The following TREM1 variants were observed in gnomAD, a reference collection of about 807,000 sequenced individuals.
TREM1 encodes the protein triggering receptor expressed on monocytes 1.
In TREM1, 16 loss-of-function variants were observed where a neutral mutation model predicts 22.4. The ratio of observed to expected loss-of-function variants is 0.71; its 90% CI spans 0.48 to 1.08. TREM1 has a LOEUF of 1.08. Among genes scored for constraint, TREM1 ranks in the 50% least tolerant of loss-of-function variants. TREM1 has a pLI of 0.00. For synonymous variants in TREM1, 110 were observed against 111.6 expected (o/e 0.99, Z 0.09); for missense variants, 283 against 282.9 (o/e 1.00, Z 0.00).
chr6:41,267,448 CA>C (rs1229479684), downstream of TREM1, among the ~76,000 whole-genome samples: 3 of 151,934 alleles, frequency 2.0e-5, no homozygotes, highest in Non-Finnish European at 4.4e-5. Context: ...GTGTAAAAAA[CA>C]AAAGCACACA....
intron 2 of TREM1, 50 bp downstream of exon 2, chr6:41,282,344 GC>G: frequency 7.0e-7 from 1 of 1,418,546 alleles, no homozygotes; most frequent in Non-Finnish European, 9.8e-7. Flanking sequence ...TACCACCACT[GC>G]CCCTTTCCTC....
downstream of TREM1, among the ~76,000 whole-genome samples, chr6:41,272,979 C>T: frequency 6.6e-6 from 1 of 152,140 alleles, no homozygotes. Context: ...AGTTCTGCTT[C>T]CCCTTCTATT....
At chr6:41,267,883 A>G (rs1767372442), downstream of TREM1, 1 of 398,520 alleles carries the variant, frequency 2.5e-6, no homozygotes, top group Non-Finnish European at 4.4e-6. Context: ...AGCTAAAACA[A>G]AAACACAGCA....
downstream of TREM1, among the ~76,000 whole-genome samples, chr6:41,267,719 T>C (rs1406067995): frequency 6.6e-6 from 1 of 151,980 alleles, no homozygotes; most frequent in Non-Finnish European, 1.5e-5. Flanking sequence ...ATAGCAAGAC[T>C]CCATCTCTAT....
chr6:41,270,503 T>C (rs1263271557), downstream of TREM1, among the ~76,000 whole-genome samples: 13 of 148,680 alleles, frequency 8.7e-5, no homozygotes, highest in Non-Finnish European at 1.6e-4. Flanking sequence ...TTCCTACCCA[T>C]ATGGAGCAAA....
At position 41,286,554 on chromosome 6, in the gene TREM1, C is replaced by T. The variant is rs1768178507; in HGVS notation, c.49+53G>A. The T allele has an allele frequency of 3.7e-6, 6 of 1,603,730 alleles. No individual in the cohort carries two copies. The Admixed American group carries it at 1.0e-4, about 27-fold the overall frequency. ...CTGAAGCTTCAACAGAAAAGGGCTC[C>T]CCGAGATCCTGGACCAAACGCCTCC... On this transcript the variant is annotated intron_variant, in intron 1 of 3. Transcript: ENST00000244709.
intron 2 of TREM1, 80 bp from the exon 3 acceptor site, chr6:41,281,233 T>G: frequency 6.7e-7 from 1 of 1,483,252 alleles, no homozygotes; most frequent in Non-Finnish European, 9.1e-7. Context: ...GATGTATGGA[T>G]GTATGGATGA....
chr6:41,285,321 A>T (rs951326769), intron 1 of TREM1, among the ~76,000 whole-genome samples: 1 of 152,226 alleles, frequency 6.6e-6, no homozygotes, highest in Admixed American at 6.5e-5. Flanking sequence ...TTATGTGCTA[A>T]GGGTTTTTAA....
downstream of TREM1, among the ~76,000 whole-genome samples, chr6:41,271,103 G>T (rs1767468801): frequency 6.6e-6 from 1 of 152,064 alleles, no homozygotes; most frequent in Admixed American, 6.5e-5. Context: ...TTCCCATTTG[G>T]TCCCAGAGGG....
At chr6:41,284,865 A>G (rs1202614878) in intron 1 of TREM1, among the ~76,000 whole-genome samples, 3 of 152,186 alleles carry the variant, frequency 2.0e-5, no homozygotes, top group African/African-American at 7.2e-5. Context: ...GTTTCTAGGG[A>G]AACCTCGGAA....
In TREM1 at chr6:41,275,428, T is replaced by C. The variant is rs1446445028; in HGVS notation, c.*697A>G. On this transcript the variant is annotated 3_prime_UTR_variant, in exon 4 of 4. Transcript: ENST00000244709. ...ATACATTTCTGCCTTCACGGGGCTA[T>C]TTTCAGGATCCAGCGATAAATGCAC... 1 of 152,238 alleles carries C rather than the reference T, an allele frequency of 6.6e-6. No homozygotes were observed. The highest frequency in any genetic ancestry group is 1.5e-5 in the Non-Finnish European group (1 of 68,090). 9.4% of individuals were successfully genotyped at this position (152,238 alleles called of 1,614,324 possible).
chr6:41,271,233 A>G (rs897301861), downstream of TREM1, among the ~76,000 whole-genome samples: 4 of 152,056 alleles, frequency 2.6e-5, no homozygotes, highest in African/African-American at 7.2e-5. Flanking sequence ...TTTATTAAGC[A>G]CTTATTAGGC....
chr6:41,268,302 G>A (rs1767386779), intron 3 of TREM1, among the ~76,000 whole-genome samples: 1 of 152,154 alleles, frequency 6.6e-6, no homozygotes, highest in Non-Finnish European at 1.5e-5. Context: ...TATCAAAATG[G>A]CACTGCCTGT....
At chr6:41,276,677 AAGG>A (rs1767685157) in intron 3 of TREM1, among the ~76,000 whole-genome samples, 5 of 152,164 alleles carry the variant, frequency 3.3e-5, no homozygotes, top group Non-Finnish European at 7.3e-5. Context: ...AAATGATTCT[AAGG>A]TTTCTGGGTA....
chr6:41,279,476 T>C (rs1767809806), intron 3 of TREM1: 1 of 963,664 alleles, frequency 1.0e-6, no homozygotes, highest in Non-Finnish European at 1.2e-6. Context: ...GCAAAGATTA[T>C]GTTCTCTTAA....
intron 2 of TREM1, 32 bp downstream of exon 2, chr6:41,282,363 C>T: frequency 6.5e-7 from 1 of 1,547,754 alleles, no homozygotes; most frequent in East Asian, 2.3e-5. Context: ...CTCACCTGGC[C>T]CTTCTTTCCC....
At chr6:41,283,299 T>C (rs1447218682) in intron 1 of TREM1, among the ~76,000 whole-genome samples, 1 of 152,160 alleles carries the variant, frequency 6.6e-6, no homozygotes, top group Non-Finnish European at 1.5e-5. Flanking sequence ...CACTCCTTTT[T>C]CCCTTCCTTG....
chr6:41,277,907 CTTTTTTTTTTT>C (rs11341322), intron 3 of TREM1, among the ~76,000 whole-genome samples: 1 of 111,348 alleles, frequency 9.0e-6, no homozygotes, highest in South Asian at 3.0e-4. Flanking sequence ...TTCTTTTTGT[CTTTTTTTTTTT>C]TTTTTTTTTT....
At chr6:41,285,581 G>A (rs1322999328) in intron 1 of TREM1, among the ~76,000 whole-genome samples, 1 of 152,190 alleles carries the variant, frequency 6.6e-6, no homozygotes, top group African/African-American at 2.4e-5. Context: ...CCAGTTGCAA[G>A]GAGCATTGAG....
Sources: gnomAD v4.1 joint callset for allele counts (sites outside exome capture counted in the v4.1 genomes callset) on GRCh38, gnomAD v4.1.1 for gene constraint, MANE v1.5 for transcripts, NCBI Gene and HGNC (gene_info 2026-07-23, HGNC 2026-07-21) for gene names.